The following SAMMSON variants were observed in gnomAD, a reference collection of about 807,000 sequenced individuals.
SAMMSON encodes the protein long intergenic non-protein coding RNA 1212.
chr3:70,119,590 C>G (rs145304100), intron 4 of SAMMSON, among the ~76,000 whole-genome samples: 1 of 152,266 alleles, frequency 6.6e-6, no homozygotes, highest in Admixed American at 6.5e-5. Context: ...CAGGAATCCA[C>G]TTTCCTGGAC....
At chr3:70,228,989 T>C (rs1311774293) in intron 4 of SAMMSON, among the ~76,000 whole-genome samples, 1 of 152,160 alleles carries the variant, frequency 6.6e-6, no homozygotes, top group Non-Finnish European at 1.5e-5. Flanking sequence ...TACCATGTAA[T>C]AAATGCTACA....
At chr3:70,174,573 A>T (rs1052744038) in intron 4 of SAMMSON, among the ~76,000 whole-genome samples, 1 of 151,986 alleles carries the variant, frequency 6.6e-6, no homozygotes, top group African/African-American at 2.4e-5. Context: ...ATAAGAAAAA[A>T]ATATGCTAGT....
Position 70,048,395 on chromosome 3 carries a change from A to G in SAMMSON, n.418-23081A>G, listed in dbSNP as rs73836024. On this transcript the variant is annotated intron_variant and non_coding_transcript_variant, in intron 3 of 9. Transcript: ENST00000642114. Reference sequence around the variant, plus strand: ...AGGACTTACCTTGAGAGGTTTTTATAAAGATTAAATTACTTATTACACATA... The same window carrying G: ...AGGACTTACCTTGAGAGGTTTTTATGAAGATTAAATTACTTATTACACATA... 2.6e-3 allele frequency among the ~76,000 whole-genome samples: 391 copies of G among 152,238 alleles called. 4 individuals are homozygous for G. Among genetic ancestry groups the G allele is most frequent in the African/African-American group, 8.5e-3 (353 of 41,554 alleles).
chr3:70,248,185 G>A (rs1439584313), intron 4 of SAMMSON, among the ~76,000 whole-genome samples: 1 of 151,992 alleles, frequency 6.6e-6, no homozygotes, highest in Non-Finnish European at 1.5e-5. Flanking sequence ...AGAAACATGA[G>A]TAAGTAAATA....
In SAMMSON at chr3:70,035,011, C is replaced by A. The variant is rs118064827; in HGVS notation, n.417+21339C>A. Among the ~76,000 whole-genome samples the A allele has an allele frequency of 1.4e-3, 212 of 152,162 alleles. 5 individuals carry two copies. The East Asian group carries it at 0.033, about 24-fold the overall frequency. On this transcript the variant is annotated intron_variant and non_coding_transcript_variant, in intron 3 of 9. Transcript: ENST00000642114. ...TCAATGACCTCACAGATATATAGATCAGAAGTCTGAGGGGGCTTGGCTGGA... is the reference window on the plus strand; with the variant it reads ...TCAATGACCTCACAGATATATAGATAAGAAGTCTGAGGGGGCTTGGCTGGA...
At chr3:70,407,306 T>C (rs1440992797) in intron 2 of SAMMSON, among the ~76,000 whole-genome samples, 1 of 151,942 alleles carries the variant, frequency 6.6e-6, no homozygotes, top group East Asian at 1.9e-4. Context: ...TTCCCAACAG[T>C]CCCCCAAAGT....
At chr3:70,390,148 A>G (rs1010758316), downstream of SAMMSON, among the ~76,000 whole-genome samples, 3 of 152,148 alleles carry the variant, frequency 2.0e-5, no homozygotes, top group African/African-American at 7.2e-5. Flanking sequence ...ACCACATAAT[A>G]TCTTGGCAAA....
intron 6 of SAMMSON, among the ~76,000 whole-genome samples, chr3:70,261,623 T>G (rs1701867430): frequency 6.6e-6 from 1 of 152,200 alleles, no homozygotes; most frequent in Admixed American, 6.6e-5. Context: ...CTTTCTTCAC[T>G]TTCAACAATT....
At chr3:70,424,821 T>G (rs1265277199) in intron 2 of SAMMSON, 1 of 152,214 alleles carries the variant, frequency 6.6e-6, no homozygotes, top group Non-Finnish European at 1.5e-5. Context: ...AATCCCTGGC[T>G]TCTACCCACT....
At chr3:70,149,199 G>A (rs947752863) in intron 4 of SAMMSON, among the ~76,000 whole-genome samples, 6 of 152,002 alleles carry the variant, frequency 3.9e-5, no homozygotes, top group Non-Finnish European at 5.9e-5. Flanking sequence ...TCCAATAGGT[G>A]TTTAGTTTAC....
At chr3:70,417,540 G>C (rs1235818835) in intron 2 of SAMMSON, among the ~76,000 whole-genome samples, 1 of 152,134 alleles carries the variant, frequency 6.6e-6, no homozygotes, top group Non-Finnish European at 1.5e-5. Context: ...TATTTCACCA[G>C]GCACTTAAAA....
intron 7 of SAMMSON, among the ~76,000 whole-genome samples, chr3:70,308,392 G>A (rs1237511152): frequency 1.3e-5 from 2 of 152,058 alleles, no homozygotes; most frequent in Non-Finnish European, 2.9e-5. Context: ...TTGTTTATCC[G>A]ATTATCTTAA....
intron 1 of SAMMSON, among the ~76,000 whole-genome samples, chr3:70,000,789 G>A (rs983231258): frequency 2.0e-5 from 3 of 152,154 alleles, no homozygotes; most frequent in Non-Finnish European, 4.4e-5. Context: ...CTATCATCAA[G>A]CTATTGTTGT....
intron 2 of SAMMSON, among the ~76,000 whole-genome samples, chr3:70,409,443 C>A (rs1701201295): frequency 6.6e-6 from 1 of 151,146 alleles, no homozygotes; most frequent in Non-Finnish European, 1.5e-5. Context: ...GAAGAAAAGC[C>A]TCAGAAGACA....
intron 3 of SAMMSON, among the ~76,000 whole-genome samples, chr3:70,022,057 G>A (rs1559774764): frequency 6.6e-6 from 1 of 152,094 alleles, no homozygotes. Context: ...AGTAGTGCTT[G>A]CTGGAAGGCA....
intron 7 of SAMMSON, among the ~76,000 whole-genome samples, chr3:70,314,434 C>T (rs531967613): frequency 1.3e-5 from 2 of 152,046 alleles, no homozygotes; most frequent in Non-Finnish European, 2.9e-5. Flanking sequence ...ATCTAATTTC[C>T]TTAATAATTT....
At chr3:70,381,123 G>T (rs368022313) in intron 9 of SAMMSON, among the ~76,000 whole-genome samples, 4 of 152,136 alleles carry the variant, frequency 2.6e-5, no homozygotes, top group African/African-American at 9.7e-5. Context: ...AGAATTTGTT[G>T]TATGGTAGAG....
At chr3:70,116,310 T>TTTTA (rs2067411060) in intron 4 of SAMMSON, among the ~76,000 whole-genome samples, 1 of 150,336 alleles carries the variant, frequency 6.7e-6, no homozygotes, top group Non-Finnish European at 1.5e-5. Flanking sequence ...TTTTTTTTTT[T>TTTTA]AAAGAAAATA....
intron 8 of SAMMSON, among the ~76,000 whole-genome samples, chr3:70,355,677 G>A (rs1575632473): frequency 6.6e-6 from 1 of 152,006 alleles, no homozygotes; most frequent in African/African-American, 2.4e-5. Context: ...GAAAATAGAC[G>A]GCAAGAAATT....
Sources: gnomAD v4.1 joint callset for allele counts (sites outside exome capture counted in the v4.1 genomes callset) on GRCh38, gnomAD v4.1.1 for gene constraint, MANE v1.5 for transcripts, NCBI Gene and HGNC (gene_info 2026-07-23, HGNC 2026-07-21) for gene names.